The following ZBTB7A variants were observed in gnomAD, a reference collection of about 807,000 sequenced individuals.
ZBTB7A encodes zinc finger and BTB domain containing 7A.
Under a neutral mutation model 26.7 loss-of-function variants are expected in ZBTB7A, and 7 were observed. The observed-to-expected ratio is 0.26, with a 90% CI of 0.15 to 0.49. The LOEUF (loss-of-function observed/expected upper bound fraction) is 0.49, where lower values mean the gene tolerates loss of function less well. Ranked by LOEUF, ZBTB7A falls within the 20% of genes least tolerant of loss-of-function variation. The pLI, the probability that ZBTB7A is intolerant of heterozygous loss-of-function variation, is 0.98. For synonymous variants in ZBTB7A, 452 were observed against 441.0 expected (o/e 1.02, Z -0.31); for missense variants, 617 against 919.5 (o/e 0.67, Z 4.25).
chr19:4,054,712 G>C lies in ZBTB7A; in HGVS notation c.521C>G (p.Pro174Arg). 1 of 1,575,138 alleles carries C rather than the reference G, an allele frequency of 6.3e-7. No homozygotes were observed. Among genetic ancestry groups the C allele is most frequent in the South Asian group, 1.2e-5 (1 of 86,740 alleles). ...GCTGGCAGCGGCGGCGGCGGCCGCG[G>C]GGGGCAGGCTGTTCATGGGGTTGCT... is the stretch of plus-strand genomic sequence containing the variant. Reference protein sequence around the residue: ...FQSNPMNSLPPAAAAAAASFP... With the variant: ...FQSNPMNSLPRAAAAAAASFP... The change falls in exon 2 of 3, where the codon CCC becomes CGC. Residue 174 changes from proline to arginine, a missense_variant. By Grantham distance (103) the Pro-to-Arg change is moderately radical (BLOSUM62 -2). Around this residue, in one of 5 missense-constraint regions of ZBTB7A, gnomAD observed 331 missense variants for 391.3 expected, o/e 0.85. Transcript: ENST00000322357.
intron 1 of ZBTB7A, among the ~76,000 whole-genome samples, chr19:4,066,478 C>T (rs1332211212): frequency 6.6e-6 from 1 of 151,454 alleles, no homozygotes; most frequent in East Asian, 2.0e-4. Context: ...CCCCCCTTCC[C>T]GGGCGGCGCC....
At chr19:4,062,443 C>T (rs1374957717) in intron 1 of ZBTB7A, among the ~76,000 whole-genome samples, 2 of 152,178 alleles carry the variant, frequency 1.3e-5, no homozygotes, top group African/African-American at 2.4e-5. Context: ...GCACCCACAG[C>T]GCTGGAAGGC....
chr19:4,054,822 G>A lies in ZBTB7A; in HGVS notation c.411C>T (p.Gly137=), dbSNP rs756515362. ...LDRQILAADA[G]ADAGQLDLVD... ...CAAGGTCCAGCTGCCCGGCGTCGGC[G>A]CCCGCGTCGGCCGCCAGGATCTGCC... Residue 137 remains glycine (G), a synonymous_variant, in exon 2 of 3, where the codon GGC becomes GGT. Coordinates refer to ENST00000322357, the MANE Select transcript of ZBTB7A (RefSeq NM_015898.4). 1.3e-6 allele frequency: 2 copies of A among 1,598,478 alleles called. No homozygotes were observed. Among genetic ancestry groups the A allele is most frequent in the Non-Finnish European group, 1.7e-6 (2 of 1,172,518 alleles).
chr19:4,053,896 A>G, intron 2 of ZBTB7A, 75 bp downstream of exon 2: 1 of 1,499,300 alleles, frequency 6.7e-7, no homozygotes, highest in South Asian at 1.3e-5. Flanking sequence ...GCAGGGAGAG[A>G]GGCGGGAGGG....
At chr19:4,050,820 C>T (rs537765832) in intron 2 of ZBTB7A, among the ~76,000 whole-genome samples, 8 of 152,048 alleles carry the variant, frequency 5.3e-5, no homozygotes, top group Admixed American at 1.3e-4. Flanking sequence ...GCTTGCTGGC[C>T]GGGCATGGTG....
chr19:4,051,147 T>C (rs867862777), intron 2 of ZBTB7A, among the ~76,000 whole-genome samples: 1 of 146,894 alleles, frequency 6.8e-6, no homozygotes, highest in East Asian at 1.9e-4. Flanking sequence ...CCTATTCCCA[T>C]TGAGTGATGC....
At position 4,047,942 on chromosome 19, in the gene ZBTB7A, G is replaced by A. The variant is rs1006140847; in HGVS notation, c.1565C>T (p.Ala522Val). The A allele has an allele frequency of 1.2e-5, 16 of 1,380,920 alleles. No individual in the cohort carries two copies. Among genetic ancestry groups the A allele is most frequent in the Non-Finnish European group, 1.9e-6 (2 of 1,057,720 alleles). 85.5% of individuals were successfully genotyped at this position (1,380,920 alleles called of 1,614,324 possible). ...CCGGGCGTCGGGGGAGCTGGGCTGG[G>A]CGGGGGCGCCGGGGGTCGCGGTGGC... Reference protein sequence around the residue: ...PGATATPGAPAQPSSPDARRN... With the variant: ...PGATATPGAPVQPSSPDARRN... The change falls in exon 3 of 3, where the codon GCC becomes GTC. Residue 522 changes from alanine to valine, a missense_variant. This residue lies in a region of ZBTB7A where 136 missense variants were observed against 126.6 expected (regional missense o/e 1.07). Coordinates refer to ENST00000322357, the MANE Select transcript of ZBTB7A (RefSeq NM_015898.4).
At position 4,048,325 on chromosome 19, in the gene ZBTB7A, C is replaced by T. The variant is rs2144974282; in HGVS notation, c.1263-81G>A. The T allele has an allele frequency of 2.1e-6, 3 of 1,452,960 alleles. No homozygotes were observed. The highest frequency in any genetic ancestry group is 3.7e-4 in the Middle Eastern group (2 of 5,438). 90.0% of individuals were successfully genotyped at this position (1,452,960 alleles called of 1,614,324 possible). ...CGCCCAGGGACCCTCACGGACACGG[C>T]AGGCCCTGGATCATCACCCTTGCAG... On this transcript the variant is annotated intron_variant, in intron 2 of 2. Transcript: ENST00000322357. This position sits in a 1 kb window ranked among gnomAD's most constrained non-coding sequence, Gnocchi z 6.7.
chr19:4,053,853 A>G, intron 2 of ZBTB7A, 118 bp downstream of exon 2: 1 of 1,189,800 alleles, frequency 8.4e-7, no homozygotes, highest in Non-Finnish European at 1.2e-6. Context: ...ACGTGCGTGT[A>G]TGTGTGCGTC....
chr19:4,060,075 C>T (rs1204768499), intron 1 of ZBTB7A, among the ~76,000 whole-genome samples: 6 of 152,134 alleles, frequency 3.9e-5, no homozygotes, highest in Admixed American at 2.6e-4. Flanking sequence ...ATCACAGCTC[C>T]TCCCCCGCGC....
chr19:4,056,542 T>C (rs1045142653), intron 1 of ZBTB7A, among the ~76,000 whole-genome samples: 1 of 152,110 alleles, frequency 6.6e-6, no homozygotes, highest in Non-Finnish European at 1.5e-5. Context: ...GCGACCAGCC[T>C]GGCCAACATG....
rs1419003658 is a variant in ZBTB7A at position 4,054,993 on chromosome 19, G to A, written c.240C>T (p.Val80=). Residue 80 remains valine, a synonymous_variant, in exon 2 of 3, where the codon GTC becomes GTT. Transcript: ENST00000322357. ...TGAGCGCGGTGAGCGCCTCGGCGCT[G>A]ACGAAGTCGATCTCGTACACGTTCT... ...DQQNVYEIDF[V]SAEALTALMD... 5 of 1,611,828 alleles carry A rather than the reference G, an allele frequency of 3.1e-6. No homozygotes were observed. The highest frequency in any genetic ancestry group is 4.2e-6 in the Non-Finnish European group (5 of 1,179,578).
In ZBTB7A at chr19:4,044,601, T is replaced by TGCACACAC. The variant is rs967801154; in HGVS notation, c.*3143_*3150dup. 16 of 150,328 alleles carry TGCACACAC rather than the reference T, an allele frequency of 1.1e-4. No individual in the cohort carries two copies. The highest frequency in any genetic ancestry group is 2.4e-4 in the Non-Finnish European group (16 of 67,578). 9.3% of individuals were successfully genotyped at this position (150,328 alleles called of 1,614,324 possible). ...AGCCTGGACCTCACTCCCGCTCTCT[T>TGCACACAC]GCACACACGCACACACGCGTCCACG... On this transcript the variant is annotated 3_prime_UTR_variant, in exon 3 of 3. Coordinates refer to ENST00000322357, the MANE Select transcript of ZBTB7A (RefSeq NM_015898.4).
rs550518083 is a variant in ZBTB7A at position 4,048,820 on chromosome 19, A to T, written c.1263-576T>A. On this transcript the variant is annotated intron_variant, in intron 2 of 2. Transcript: ENST00000322357. This position sits in a 1 kb window ranked among gnomAD's most constrained non-coding sequence, Gnocchi z 6.7. The stretch of plus-strand genomic sequence containing the variant: ...GTGAAACTCCGTCTCAAAAAAAAAA[A>T]TTTCACTTTTTAAGAGCGAAACTCC... Among the ~76,000 whole-genome samples the T allele has an allele frequency of 2.1e-4, 32 of 151,496 alleles. No homozygotes were observed. The South Asian group carries it at 6.1e-3, about 29-fold the overall frequency.
At chr19:4,055,360 C>A in intron 1 of ZBTB7A, 113 bp from the exon 2 acceptor site, 1 of 1,401,222 alleles carries the variant, frequency 7.1e-7, no homozygotes, top group South Asian at 1.6e-5. Flanking sequence ...GCTCCCCCAG[C>A]CTCACATTCC....
At chr19:4,050,651 T>C (rs1311954602) in intron 2 of ZBTB7A, among the ~76,000 whole-genome samples, 1 of 152,182 alleles carries the variant, frequency 6.6e-6, no homozygotes, top group Non-Finnish European at 1.5e-5. Flanking sequence ...AGACTTGATA[T>C]GCAAAAGGTG....
chr19:4,045,626 C>T lies in ZBTB7A; in HGVS notation c.*2126G>A, dbSNP rs1177325581. 3.3e-6 allele frequency: 1 copy of T among 304,682 alleles called. No homozygotes were observed. The highest frequency in any genetic ancestry group is 5.6e-6 in the Non-Finnish European group (1 of 177,726). The allele number at this position is 304,682 out of a possible 1,614,324, so 18.9% of individuals were successfully genotyped here. On this transcript the variant is annotated 3_prime_UTR_variant, in exon 3 of 3. Coordinates refer to ENST00000322357, the MANE Select transcript of ZBTB7A (RefSeq NM_015898.4). The surrounding 1 kb of genome is among the most constrained non-coding windows in gnomAD (Gnocchi z 4.1). Reference sequence around the variant, plus strand: ...CACAGAGAAGGGGGTATGGGGGGGTCGGGGGCAGGGAGACACCCCCCCGCC... The same window carrying T: ...CACAGAGAAGGGGGTATGGGGGGGTTGGGGGCAGGGAGACACCCCCCCGCC...
rs899931730 is a variant in ZBTB7A at position 4,062,485 on chromosome 19, G to A, written c.-16+4197C>T. 3.3e-5 allele frequency among the ~76,000 whole-genome samples: 5 copies of A among 152,210 alleles called. No homozygotes were observed. In the South Asian group the frequency reaches 6.2e-4, roughly 19 times the overall value. ...TGTGTCTGTGCCCCATTTTGCAAAC[G>A]GGGAACGGGATCAGAGAGGGGGAGC... On this transcript the variant is annotated intron_variant, in intron 1 of 2. Coordinates refer to ENST00000322357, the MANE Select transcript of ZBTB7A (RefSeq NM_015898.4).
At position 4,054,142 on chromosome 19, in the gene ZBTB7A, A is replaced by C. The variant is rs752781965; in HGVS notation, c.1091T>G (p.Val364Gly). Residue 364 changes from valine (V) to glycine (G), a missense_variant, in exon 2 of 3, where the codon GTC becomes GGC. By Grantham distance (109) the Val-to-Gly change is moderately radical. This residue lies in a region of ZBTB7A where 331 missense variants were observed against 391.3 expected (regional missense o/e 0.85). Transcript: ENST00000322357. ...CACCTTCTGCGACCAGGCCGGGTAG[A>C]CGTCGCCGTCGTGGGCGCCGCTGAA... ...KYFSGAHDGD[V>G]YPAWSQKVEK... The C allele has an allele frequency of 6.2e-7, 1 of 1,604,776 alleles. No homozygotes were observed. The highest frequency in any genetic ancestry group is 8.5e-7 in the Non-Finnish European group (1 of 1,179,752).
Sources: gnomAD v4.1 joint callset for allele counts (sites outside exome capture counted in the v4.1 genomes callset) on GRCh38, gnomAD v4.1.1 for gene constraint, gnomAD v4.1.1 regional missense constraint, Gnocchi (gnomAD v3.1) non-coding constraint, MANE v1.5 for transcripts, NCBI Gene and HGNC (gene_info 2026-07-23, HGNC 2026-07-21) for gene names.